The following DCLK1 variants were observed in gnomAD, a reference collection of about 807,000 sequenced individuals.
DCLK1 encodes the protein serine/threonine-protein kinase DCLK1.
In DCLK1, 16 loss-of-function variants were observed where a neutral mutation model predicts 86.2. The ratio of observed to expected loss-of-function variants is 0.19; its 90% CI spans 0.13 to 0.28. The LOEUF (loss-of-function observed/expected upper bound fraction) is 0.28. Among genes scored for constraint, DCLK1 ranks in the 10% least tolerant of loss-of-function variants. DCLK1 has a pLI of 1.00. For missense variants in DCLK1, 590 were observed against 940.2 expected (o/e 0.63, Z 4.87); for synonymous variants, 369 against 370.5 (o/e 1.00, Z 0.05).
intron 16 of DCLK1, among the ~76,000 whole-genome samples, chr13:35,776,441 G>A (rs1228669829): frequency 6.6e-6 from 1 of 152,130 alleles, no homozygotes; most frequent in African/African-American, 2.4e-5. Flanking sequence ...AAAAGTCATT[G>A]GCATTGGAAT....
chr13:36,013,379 T>C (rs1388293526), intron 3 of DCLK1, among the ~76,000 whole-genome samples: 1 of 151,618 alleles, frequency 6.6e-6, no homozygotes, highest in East Asian at 2.0e-4. Context: ...TTGGTCTTTG[T>C]TGATGGTGAT....
At chr13:35,918,890 G>GTGTTTTTTTTTTT (rs1875599672) in intron 4 of DCLK1, among the ~76,000 whole-genome samples, 1 of 14,228 alleles carries the variant, frequency 7.0e-5, no homozygotes, top group Non-Finnish European at 2.1e-4. Flanking sequence ...CCTTCTGAGT[G>GTGTTTTTTTTTTT]TGTTTTTTTT....
chr13:36,010,348 T>C (rs368366462), intron 3 of DCLK1, among the ~76,000 whole-genome samples: 4,383 of 109,174 alleles, frequency 0.04, 74 homozygotes, highest in South Asian at 0.06. Flanking sequence ...TTCAGTATGA[T>C]ATTGGCTGTG....
intron 3 of DCLK1, among the ~76,000 whole-genome samples, chr13:36,092,283 GA>G (rs1028169254): frequency 1.3e-5 from 2 of 151,360 alleles, no homozygotes; most frequent in Non-Finnish European, 2.9e-5. Flanking sequence ...CTGTAAAAGA[GA>G]AAAAAATAGT....
chr13:35,961,921 G>A (rs1477494441), intron 3 of DCLK1, among the ~76,000 whole-genome samples: 1 of 152,134 alleles, frequency 6.6e-6, no homozygotes, highest in Admixed American at 6.5e-5. Context: ...ATACATGATA[G>A]CCATAGTTAT....
chr13:35,909,885 C>T (rs1017606013), intron 4 of DCLK1, among the ~76,000 whole-genome samples: 8 of 152,118 alleles, frequency 5.3e-5, no homozygotes, highest in African/African-American at 1.9e-4. Flanking sequence ...GACTTTGCCT[C>T]TCTCACCAAA....
intron 2 of DCLK1, among the ~76,000 whole-genome samples, chr13:36,116,932 C>T (rs993735397): frequency 6.6e-6 from 1 of 152,176 alleles, no homozygotes; most frequent in South Asian, 2.1e-4. Flanking sequence ...ATACGCACAG[C>T]AACATTTCAT....
At chr13:36,050,469 C>T (rs1200768143) in intron 3 of DCLK1, among the ~76,000 whole-genome samples, 1 of 152,034 alleles carries the variant, frequency 6.6e-6, no homozygotes, top group African/African-American at 2.4e-5. Context: ...CAGAGAGGGT[C>T]AGGGAGAATT....
chr13:35,849,943 A>G (rs1318638668), intron 6 of DCLK1: 6 of 956,526 alleles, frequency 6.3e-6, no homozygotes, highest in African/African-American at 5.3e-5. Context: ...AAATTATACA[A>G]TCTATAGCAA....
intron 6 of DCLK1, among the ~76,000 whole-genome samples, chr13:35,843,810 C>T (rs899180735): frequency 1.3e-5 from 2 of 152,186 alleles, no homozygotes; most frequent in Non-Finnish European, 2.9e-5. Context: ...CAAGTTATCA[C>T]TGTCATATGA....
At chr13:35,936,253 T>C (rs148687376) in intron 4 of DCLK1, among the ~76,000 whole-genome samples, 8 of 152,324 alleles carry the variant, frequency 5.3e-5, no homozygotes, top group African/African-American at 1.2e-4. Context: ...TTGAAGATTA[T>C]CCTTGCTTAG....
chr13:36,006,735 G>A (rs546606121), intron 3 of DCLK1, among the ~76,000 whole-genome samples: 1 of 152,314 alleles, frequency 6.6e-6, no homozygotes, highest in East Asian at 1.9e-4. Flanking sequence ...AGAAGCAACT[G>A]TGGAGGACAG....
At chr13:35,947,300 G>A in intron 4 of DCLK1, 58 bp downstream of exon 4, 1 of 1,397,780 alleles carries the variant, frequency 7.2e-7, no homozygotes, top group Non-Finnish European at 1.0e-6. Context: ...GCCTGGTGCA[G>A]CTCATTTTCG....
At chr13:36,098,035 A>G (rs1197457346) in intron 3 of DCLK1, among the ~76,000 whole-genome samples, 1 of 152,204 alleles carries the variant, frequency 6.6e-6, no homozygotes, top group Non-Finnish European at 1.5e-5. Flanking sequence ...ATCTACTCCC[A>G]TAATACTGTT....
chr13:36,015,264 C>T (rs995264983), intron 3 of DCLK1, among the ~76,000 whole-genome samples: 2 of 152,280 alleles, frequency 1.3e-5, no homozygotes, highest in East Asian at 1.9e-4. Flanking sequence ...TCCTGTTTAG[C>T]TTGAGGGTTA....
chr13:36,043,897 T>C (rs999532001), intron 3 of DCLK1, among the ~76,000 whole-genome samples: 11 of 152,306 alleles, frequency 7.2e-5, no homozygotes, highest in Admixed American at 5.9e-4. Flanking sequence ...ATGAGATACA[T>C]TCCCCAAAAA....
At chr13:35,977,444 A>G (rs551982650) in intron 3 of DCLK1, among the ~76,000 whole-genome samples, 2 of 152,346 alleles carry the variant, frequency 1.3e-5, no homozygotes, top group South Asian at 2.1e-4. Context: ...CTGAGGAGGT[A>G]TATTTTGGTG....
chr13:36,043,327 A>T (rs944058875), intron 3 of DCLK1, among the ~76,000 whole-genome samples: 18 of 151,776 alleles, frequency 1.2e-4, no homozygotes, highest in East Asian at 7.7e-4. Flanking sequence ...TAGAAATTTA[A>T]AAAAAAAACT....
chr13:36,017,836 T>C (rs1180016214), intron 3 of DCLK1, among the ~76,000 whole-genome samples: 1 of 152,146 alleles, frequency 6.6e-6, no homozygotes, highest in Non-Finnish European at 1.5e-5. Context: ...CACACATGCA[T>C]GCACAGACTG....
Sources: gnomAD v4.1 joint callset for allele counts (sites outside exome capture counted in the v4.1 genomes callset) on GRCh38, gnomAD v4.1.1 for gene constraint, MANE v1.5 for transcripts, NCBI Gene and HGNC (gene_info 2026-07-23, HGNC 2026-07-21) for gene names.